Variants in TAFA1 observed in about 807,000 individuals in gnomAD.
TAFA1 encodes chemokine-like protein TAFA-1.
TAFA1 carries 4 observed loss-of-function variants against 18.5 expected under a neutral mutation model. The observed-to-expected ratio is 0.22, with a 90% CI of 0.11 to 0.49. The LOEUF (loss-of-function observed/expected upper bound fraction) is 0.49, where lower values mean the gene tolerates loss of function less well. TAFA1 is among the 20% of genes least tolerant of loss of function. TAFA1 has a pLI of 0.98. For synonymous variants in TAFA1, 56 were observed against 55.2 expected (o/e 1.01, Z -0.06); for missense variants, 147 against 169.0 (o/e 0.87, Z 0.72).
intron 4 of TAFA1, among the ~76,000 whole-genome samples, chr3:68,540,429 A>G (rs1055295357): frequency 1.3e-5 from 2 of 152,190 alleles, no homozygotes; most frequent in African/African-American, 4.8e-5. Context: ...TTAATTAACT[A>G]GTAGAAGGTG....
At chr3:68,424,131 G>A (rs978286239) in intron 3 of TAFA1, among the ~76,000 whole-genome samples, 1 of 152,040 alleles carries the variant, frequency 6.6e-6, no homozygotes, top group Non-Finnish European at 1.5e-5. Context: ...TGCTATTTCT[G>A]TGAAGAAACA....
At chr3:68,448,757 G>A (rs1305729760) in intron 3 of TAFA1, among the ~76,000 whole-genome samples, 1 of 152,190 alleles carries the variant, frequency 6.6e-6, no homozygotes, top group East Asian at 1.9e-4. Context: ...CTCTGTAATT[G>A]TGTAACCTGA....
intron 2 of TAFA1, among the ~76,000 whole-genome samples, chr3:68,009,742 T>C (rs1704433875): frequency 6.6e-6 from 1 of 152,214 alleles, no homozygotes; most frequent in Non-Finnish European, 1.5e-5. Context: ...CCAGTCAGAC[T>C]CTTTAATACA....
intron 2 of TAFA1, among the ~76,000 whole-genome samples, chr3:68,323,377 A>T (rs907102956): frequency 6.6e-6 from 1 of 152,252 alleles, no homozygotes; most frequent in African/African-American, 2.4e-5. Flanking sequence ...GTCAGGAAAG[A>T]GGAGCCAACA....
chr3:68,396,677 G>C (rs1167042925), intron 2 of TAFA1, among the ~76,000 whole-genome samples: 1 of 152,146 alleles, frequency 6.6e-6, no homozygotes, highest in African/African-American at 2.4e-5. Flanking sequence ...AGACATTTCT[G>C]CATACTTCTT....
intron 2 of TAFA1, among the ~76,000 whole-genome samples, chr3:68,151,738 ATAATCAACACCGTTGCAT>A (rs1388158275): frequency 6.6e-6 from 1 of 152,190 alleles, no homozygotes; most frequent in Non-Finnish European, 1.5e-5. Context: ...TGTAATCACC[ATAATCAACACCGTTGCAT>A]TAGGGATTAA....
chr3:68,250,857 T>G (rs2067182686), intron 2 of TAFA1: 1 of 151,678 alleles, frequency 6.6e-6, no homozygotes, highest in Non-Finnish European at 1.5e-5. Context: ...CAATTACAAT[T>G]CCTAAGGGAT....
chr3:68,141,735 C>T (rs148072290), intron 2 of TAFA1, among the ~76,000 whole-genome samples: 3 of 152,306 alleles, frequency 2.0e-5, no homozygotes, highest in Non-Finnish European at 4.4e-5. Context: ...CAGAAGAAAG[C>T]AAGGCCAAAC....
chr3:68,353,481 G>A (rs1017253078), intron 2 of TAFA1, among the ~76,000 whole-genome samples: 1 of 152,090 alleles, frequency 6.6e-6, no homozygotes, highest in Non-Finnish European at 1.5e-5. Flanking sequence ...TGGTGGGTTT[G>A]AGAAGTTTTT....
chr3:68,168,928 A>G (rs2066018010), intron 2 of TAFA1, among the ~76,000 whole-genome samples: 2 of 152,168 alleles, frequency 1.3e-5, no homozygotes, highest in African/African-American at 2.4e-5. Flanking sequence ...ATAACACATC[A>G]GCTATCTATA....
intron 2 of TAFA1, among the ~76,000 whole-genome samples, chr3:68,405,719 A>C (rs74585093): frequency 6.5e-5 from 8 of 123,334 alleles, no homozygotes; most frequent in African/African-American, 2.7e-4. Context: ...AAAAAAAAAA[A>C]AAAAAAAAAA....
chr3:68,225,467 G>C (rs1030493696), intron 2 of TAFA1, among the ~76,000 whole-genome samples: 1 of 152,138 alleles, frequency 6.6e-6, no homozygotes. Flanking sequence ...TGGAAATATG[G>C]TGCCACAGAA....
intron 2 of TAFA1, among the ~76,000 whole-genome samples, chr3:68,404,125 T>A (rs1371182295): frequency 6.6e-6 from 1 of 152,188 alleles, no homozygotes; most frequent in Non-Finnish European, 1.5e-5. Flanking sequence ...ATTTTCCCCA[T>A]TTTACAGATG....
chr3:68,105,703 T>G (rs1342055802), intron 2 of TAFA1, among the ~76,000 whole-genome samples: 1 of 152,132 alleles, frequency 6.6e-6, no homozygotes, highest in Admixed American at 6.6e-5. Context: ...AAAAATACAG[T>G]CACACTTTTT....
intron 2 of TAFA1, among the ~76,000 whole-genome samples, chr3:68,122,022 T>C (rs1350408620): frequency 6.6e-6 from 1 of 152,140 alleles, no homozygotes; most frequent in Non-Finnish European, 1.5e-5. Context: ...TTCGTTGTAT[T>C]GTTCTTTTAC....
intron 2 of TAFA1, among the ~76,000 whole-genome samples, chr3:68,185,149 C>G (rs186135879): frequency 6.6e-6 from 1 of 151,276 alleles, no homozygotes; most frequent in Non-Finnish European, 1.5e-5. Flanking sequence ...GGAACCAGTC[C>G]GCATGGGAGA....
intron 2 of TAFA1, among the ~76,000 whole-genome samples, chr3:68,329,368 T>C (rs1161274982): frequency 6.6e-6 from 1 of 151,854 alleles, no homozygotes; most frequent in African/African-American, 2.4e-5. Context: ...GCCCAGCCAC[T>C]TGTGACCACT....
rs1559585975 is a variant in TAFA1, at chr3:68,262,346, TA to T, written c.119-154933del. On this transcript the variant is annotated intron_variant, in intron 2 of 4. Transcript: ENST00000478136. The stretch of plus-strand genomic sequence containing the variant: ...ATATATATATATATATATATATATA[TA>T]TATATATATATTTCATGGGTATATT... 1.8e-3 allele frequency among the ~76,000 whole-genome samples: 172 copies of T among 97,116 alleles called. 2 individuals carry two copies. The highest frequency in any genetic ancestry group is 3.1e-3 in the African/African-American group (83 of 27,004). 63.7% of individuals were successfully genotyped at this position (97,116 alleles called of 152,430 possible).
intron 2 of TAFA1, among the ~76,000 whole-genome samples, chr3:68,166,213 A>G (rs2065980604): frequency 6.6e-6 from 1 of 152,200 alleles, no homozygotes; most frequent in South Asian, 2.1e-4. Flanking sequence ...AGATTTTGCT[A>G]TCCTATGGAC....
Sources: allele counts gnomAD v4.1 joint callset (sites outside exome capture counted in the v4.1 genomes callset), GRCh38; gene constraint gnomAD v4.1.1; transcripts MANE v1.5; gene names NCBI Gene and HGNC (gene_info 2026-07-23, HGNC 2026-07-21).